Variants in CDC42BPA observed in about 807,000 individuals in gnomAD.
CDC42BPA encodes serine/threonine-protein kinase MRCK alpha.
A neutral mutation model predicts 223.5 loss-of-function variants in CDC42BPA; 80 were observed. That is an observed-to-expected ratio of 0.36 (90% CI 0.30 to 0.43). CDC42BPA has a LOEUF of 0.43. Among genes scored for constraint, CDC42BPA ranks in the 20% least tolerant of loss-of-function variants. The probability of loss-of-function intolerance (pLI) is 1.00; values close to 1 mark genes in which losing one functional copy is unlikely to be tolerated. For synonymous variants in CDC42BPA, 694 were observed against 718.6 expected (o/e 0.97, Z 0.55); for missense variants, 1,743 against 2,099.9 (o/e 0.83, Z 3.32).
chr1:227,193,019 T>G (rs2150143035), intron 5 of CDC42BPA, among the ~76,000 whole-genome samples: 1 of 151,900 alleles, frequency 6.6e-6, no homozygotes, highest in South Asian at 2.1e-4. Flanking sequence ...ACAAGAGTGG[T>G]TTTTTAAGAA....
chr1:227,111,471 G>A (rs1227585049), intron 14 of CDC42BPA, among the ~76,000 whole-genome samples: 1 of 152,086 alleles, frequency 6.6e-6, no homozygotes, highest in Non-Finnish European at 1.5e-5. Context: ...GAAAATTAAA[G>A]TATAATGAGG....
intron 24 of CDC42BPA, among the ~76,000 whole-genome samples, chr1:227,036,313 A>G (rs1021714005): frequency 6.6e-6 from 1 of 152,028 alleles, no homozygotes. Context: ...TTTATTAAAG[A>G]GAAGGTCTTG....
chr1:227,278,294 T>A (rs780963058), intron 1 of CDC42BPA, among the ~76,000 whole-genome samples: 7 of 152,220 alleles, frequency 4.6e-5, no homozygotes, highest in African/African-American at 1.7e-4. Flanking sequence ...GATGGTGTAA[T>A]TTCTAACCTA....
In CDC42BPA at chr1:226,996,088, T is replaced by C. The variant is rs534013029; in HGVS notation, c.4976-1108A>G. Among the ~76,000 whole-genome samples the C allele has an allele frequency of 5.5e-4, 84 of 152,342 alleles. No homozygotes were observed. The South Asian group carries it at 0.017, about 30-fold the overall frequency. On this transcript the variant is annotated intron_variant, in intron 35 of 36. Transcript: ENST00000366766. ...AGACTCTGTCCTTGGTAATCCCCCT[T>C]CCACCTCCCTTCCTCAGCTTCTTTG...
intron 26 of CDC42BPA, among the ~76,000 whole-genome samples, chr1:227,033,816 A>T (rs1331578561): frequency 6.6e-6 from 1 of 152,150 alleles, no homozygotes; most frequent in African/African-American, 2.4e-5. Flanking sequence ...TATTTCCTCC[A>T]CAATAATTTC....
rs189444419 is a variant in CDC42BPA at position 226,992,706 on chromosome 1, G to C, written c.*1562C>G. 3.3e-5 allele frequency: 5 copies of C among 152,354 alleles called. No individual in the cohort carries two copies. The East Asian group carries it at 9.6e-4, about 29-fold the overall frequency. 9.4% of individuals were successfully genotyped at this position (152,354 alleles called of 1,614,324 possible). ...AGAGAAACTTAGGTGAAAAGTAAAA[G>C]AGAGGCAAAATCTCTTTCCTTCATG... is the stretch of plus-strand genomic sequence containing the variant. On this transcript the variant is annotated 3_prime_UTR_variant, in exon 37 of 37. Coordinates refer to ENST00000366766, the MANE Select transcript of CDC42BPA (RefSeq NM_001394014.1).
chr1:227,216,523 T>C (rs978844828), intron 2 of CDC42BPA, among the ~76,000 whole-genome samples: 10 of 152,198 alleles, frequency 6.6e-5, no homozygotes, highest in African/African-American at 2.4e-4. Flanking sequence ...CTTGAATTAT[T>C]GAATTGATAA....
intron 1 of CDC42BPA, among the ~76,000 whole-genome samples, chr1:227,283,195 CTG>C (rs1299756733): frequency 1.3e-5 from 2 of 152,024 alleles, no homozygotes; most frequent in African/African-American, 4.8e-5. Flanking sequence ...CAGTATGTTC[CTG>C]GAAAAGTACA....
intron 14 of CDC42BPA, among the ~76,000 whole-genome samples, chr1:227,106,115 CTTTT>C (rs1358094815): frequency 6.6e-6 from 1 of 152,124 alleles, no homozygotes; most frequent in East Asian, 1.9e-4. Flanking sequence ...CTTTTTCTTT[CTTTT>C]TAATTTTAGC....
At chr1:227,309,629 A>C (rs1187639961) in intron 1 of CDC42BPA, among the ~76,000 whole-genome samples, 1 of 152,252 alleles carries the variant, frequency 6.6e-6, no homozygotes, top group Non-Finnish European at 1.5e-5. Context: ...AAAATCACAA[A>C]GTAATGAATG....
At chr1:227,302,865 T>G (rs1691885468) in intron 1 of CDC42BPA, among the ~76,000 whole-genome samples, 1 of 152,086 alleles carries the variant, frequency 6.6e-6, no homozygotes, top group Non-Finnish European at 1.5e-5. Context: ...TACTGAGGTT[T>G]CCATTTTAGC....
intron 34 of CDC42BPA, among the ~76,000 whole-genome samples, chr1:227,005,799 T>C (rs540835479): frequency 6.6e-6 from 1 of 152,336 alleles, no homozygotes; most frequent in African/African-American, 2.4e-5. Context: ...CTACTCCTTA[T>C]TGATATTTCC....
At chr1:227,177,469 A>AT (rs371979859) in intron 5 of CDC42BPA, among the ~76,000 whole-genome samples, 30 of 150,362 alleles carry the variant, frequency 2.0e-4, no homozygotes, top group Non-Finnish European at 3.9e-4. Context: ...AGATCATTCC[A>AT]TTTTTTTTTC....
rs1307056989 is a variant in CDC42BPA at position 227,139,497 on chromosome 1, AAAC to A, written c.1390+76_1390+78del. ...CTTAAAATAATTTTTTTCAAAGATA[AAAC>A]AACCACTTATAATAAACAGCTCATA... is the stretch of plus-strand genomic sequence containing the variant. On this transcript the variant is annotated intron_variant, in intron 10 of 36. Coordinates refer to ENST00000366766, the MANE Select transcript of CDC42BPA (RefSeq NM_001394014.1). The A allele has an allele frequency of 3.1e-6, 3 of 972,808 alleles. No homozygotes were observed. In the African/African-American group the frequency reaches 5.0e-5, roughly 16 times the overall value. 60.3% of individuals were successfully genotyped at this position (972,808 alleles called of 1,614,324 possible).
chr1:227,006,310 C>A (rs140476576), intron 34 of CDC42BPA, among the ~76,000 whole-genome samples: 2,415 of 152,312 alleles, frequency 0.016, 27 homozygotes, highest in Middle Eastern at 0.044. Flanking sequence ...GCCTCTCCTT[C>A]ATTGGCTGTT....
intron 15 of CDC42BPA, among the ~76,000 whole-genome samples, chr1:227,092,492 G>T (rs980188266): frequency 9.2e-5 from 14 of 152,062 alleles, no homozygotes; most frequent in African/African-American, 3.4e-4. Flanking sequence ...CATGCATTAC[G>T]TTCTATCCAA....
At position 227,216,841 on chromosome 1, in the gene CDC42BPA, A is replaced by T. The variant is rs1299400409; in HGVS notation, c.271-3622T>A. 4.6e-5 allele frequency among the ~76,000 whole-genome samples: 7 copies of T among 152,330 alleles called. No individual in the cohort carries two copies. The East Asian group carries it at 7.7e-4, about 17-fold the overall frequency. On this transcript the variant is annotated intron_variant, in intron 2 of 36. Coordinates refer to ENST00000366766, the MANE Select transcript of CDC42BPA (RefSeq NM_001394014.1). ...AAGATATATTTTTAAAAACACTAGCAATGTCTTGAAAGACTTCATAGTAAA... is the reference window on the plus strand; with the variant it reads ...AAGATATATTTTTAAAAACACTAGCTATGTCTTGAAAGACTTCATAGTAAA...
At chr1:227,282,731 C>CT (rs1196910845) in intron 1 of CDC42BPA, among the ~76,000 whole-genome samples, 5 of 152,196 alleles carry the variant, frequency 3.3e-5, no homozygotes, top group Admixed American at 1.3e-4. Context: ...GTGAAATAAG[C>CT]TAGTCAAAAA....
intron 20 of CDC42BPA, among the ~76,000 whole-genome samples, chr1:227,071,459 TAAG>T (rs1204537916): frequency 6.6e-6 from 1 of 151,876 alleles, no homozygotes; most frequent in East Asian, 1.9e-4. Context: ...AAGGAAAGTT[TAAG>T]AAGTTCATGT....
Sources: gnomAD v4.1 joint callset for allele counts (sites outside exome capture counted in the v4.1 genomes callset) on GRCh38, gnomAD v4.1.1 for gene constraint, MANE v1.5 for transcripts, NCBI Gene and HGNC (gene_info 2026-07-23, HGNC 2026-07-21) for gene names.